The following IFT70B variants were observed in gnomAD, a reference collection of about 807,000 sequenced individuals.
The protein encoded by IFT70B is intraflagellar transport protein 70B.
the IFT70B span, chr2:177,551,074 T>C: frequency 1.9e-6 from 3 of 1,614,166 alleles, no homozygotes; most frequent in East Asian, 6.7e-5. Context: ...ACTCGAGAAA[T>C]ACCAAAGTCA....
the IFT70B span, chr2:177,550,948 C>T: frequency 1.2e-5 from 19 of 1,614,148 alleles, no homozygotes; most frequent in Non-Finnish European, 1.6e-5. Context: ...ATAACACTAT[C>T]ACGAAGCATG....
chr2:177,550,528 A>T, the IFT70B span: 1 of 374,052 alleles, frequency 2.7e-6, no homozygotes. Flanking sequence ...ACGTATTACA[A>T]CTTCTGATAT....
chr2:177,552,609 C>G, the IFT70B span: 8 of 1,593,826 alleles, frequency 5.0e-6, no homozygotes, highest in Non-Finnish European at 6.8e-6. Flanking sequence ...GTAGCAGTAG[C>G]CTAGCAGCGA....
chr2:177,550,703 GTAAA>G, the IFT70B span: 1 of 1,396,486 alleles, frequency 7.2e-7, no homozygotes, highest in Non-Finnish European at 9.7e-7. Flanking sequence ...ATGCCAAAGG[GTAAA>G]TAAAGCGATG....
At chr2:177,552,033 A>C in the IFT70B span, 9 of 1,614,108 alleles carry the variant, frequency 5.6e-6, no homozygotes, top group Non-Finnish European at 6.8e-6. Flanking sequence ...CTGATGGAGG[A>C]CTAAGGTGTT....
chr2:177,552,647 C>G, the IFT70B span: 56 of 1,589,982 alleles, frequency 3.5e-5, no homozygotes, highest in African/African-American at 7.2e-4. Context: ...TAGGGCTCCG[C>G]TGCAGTTCTC....
the IFT70B span, chr2:177,551,070 G>A: frequency 6.2e-7 from 1 of 1,614,132 alleles, no homozygotes. Context: ...GATAACTCGA[G>A]AAATACCAAA....
chr2:177,552,744 G>A, the IFT70B span: 3 of 1,575,380 alleles, frequency 1.9e-6, no homozygotes, highest in Admixed American at 1.8e-5. Flanking sequence ...GGGGATCTGC[G>A]CGCCGCTCAG....
chr2:177,552,466 G>C, the IFT70B span: 8 of 1,612,084 alleles, frequency 5.0e-6, no homozygotes, highest in South Asian at 8.8e-5. Flanking sequence ...AAGGCGACCC[G>C]GGTGGCCTCC....
chr2:177,552,518 G>A, the IFT70B span: 1 of 1,603,650 alleles, frequency 6.2e-7, no homozygotes, highest in Non-Finnish European at 8.5e-7. Context: ...CCTGGTACAG[G>A]CGGTACTGCT....
At chr2:177,551,529 G>A in the IFT70B span, 2 of 1,614,204 alleles carry the variant, frequency 1.2e-6, no homozygotes, top group Non-Finnish European at 1.7e-6. Flanking sequence ...TTCATTCACT[G>A]CCTTTTTGAT....
chr2:177,552,446 C>G, the IFT70B span: 3 of 1,613,044 alleles, frequency 1.9e-6, no homozygotes, highest in East Asian at 4.5e-5. Flanking sequence ...CGGGGTTATC[C>G]AGGAGAAGGA....
the IFT70B span, chr2:177,552,751 T>G: frequency 6.4e-7 from 1 of 1,570,474 alleles, no homozygotes; most frequent in Non-Finnish European, 8.6e-7. Context: ...TGCGCGCCGC[T>G]CAGGCCAGCC....
the IFT70B span, chr2:177,551,125 T>C: frequency 6.2e-7 from 1 of 1,614,156 alleles, no homozygotes; most frequent in Non-Finnish European, 8.5e-7. Flanking sequence ...ATCACCAAAT[T>C]CACAATGCAG....
the IFT70B span, chr2:177,550,684 A>AAT: frequency 7.8e-7 from 1 of 1,283,212 alleles, no homozygotes; most frequent in African/African-American, 1.5e-5. Flanking sequence ...ACATGTAACA[A>AAT]ATATAAAGAT....
chr2:177,550,366 G>C, the IFT70B span: 4 of 155,858 alleles, frequency 2.6e-5, no homozygotes, highest in African/African-American at 9.6e-5. Flanking sequence ...TGTAAATTGT[G>C]AGACTACTCT....
At chr2:177,550,736 CCATT>C in the IFT70B span, 16 of 1,526,408 alleles carry the variant, frequency 1.0e-5, no homozygotes, top group Non-Finnish European at 1.4e-5. Context: ...CATAACAAAG[CCATT>C]TGATAAATGC....
At chr2:177,551,909 C>T in the IFT70B span, 4 of 1,614,186 alleles carry the variant, frequency 2.5e-6, no homozygotes, top group Non-Finnish European at 3.4e-6. Context: ...TCACAGGGTC[C>T]AACTCTTCCT....
the IFT70B span, chr2:177,550,647 T>A: frequency 3.6e-6 from 3 of 839,454 alleles, no homozygotes; most frequent in Non-Finnish European, 5.0e-6. Context: ...ACTTTTTTTT[T>A]TATAATGCAT....
Sources: gnomAD v4.1 joint callset for allele counts on GRCh38, gnomAD v4.1.1 for gene constraint, MANE v1.5 for transcripts, NCBI Gene and HGNC (gene_info 2026-07-23, HGNC 2026-07-21) for gene names.